The following CCDC12 variants were observed in gnomAD, a reference collection of about 807,000 sequenced individuals.
CCDC12 encodes the protein coiled-coil domain-containing protein 12.
Under a neutral mutation model 25.7 loss-of-function variants are expected in CCDC12, and 28 were observed. That is an observed-to-expected ratio of 1.09 (90% CI 0.81 to 1.50). CCDC12 has a LOEUF of 1.50. Among genes scored for constraint, CCDC12 ranks in the 40% most tolerant of loss-of-function variants. CCDC12 has a pLI of 0.00. For missense variants in CCDC12, 198 were observed against 210.0 expected (o/e 0.94, Z 0.35); for synonymous variants, 75 against 87.7 (o/e 0.86, Z 0.81).
chr3:46,977,853 G>C (rs2035048132), upstream of CCDC12, among the ~76,000 whole-genome samples: 1 of 152,236 alleles, frequency 6.6e-6, no homozygotes, highest in African/African-American at 2.4e-5. Flanking sequence ...GTCGCCACAA[G>C]ATTCATGGCT....
At chr3:46,953,672 G>C (rs1475019738) in intron 1 of CCDC12, among the ~76,000 whole-genome samples, 1 of 150,256 alleles carries the variant, frequency 6.7e-6, no homozygotes, top group African/African-American at 2.4e-5. Context: ...AAAAAGTCCA[G>C]CTTTGCTGGT....
At chr3:46,944,058 C>T (rs912249042) in intron 1 of CCDC12, among the ~76,000 whole-genome samples, 5 of 152,110 alleles carry the variant, frequency 3.3e-5, no homozygotes, top group South Asian at 4.1e-4. Context: ...TGGAGGGAAG[C>T]GCAGACCACT....
chr3:46,932,773 G>A (rs1575540684), intron 2 of CCDC12, among the ~76,000 whole-genome samples: 1 of 152,186 alleles, frequency 6.6e-6, no homozygotes, highest in East Asian at 1.9e-4. Flanking sequence ...GAAACCACAG[G>A]CCAGAAAGCA....
intron 2 of CCDC12, among the ~76,000 whole-genome samples, chr3:46,933,994 A>G (rs1272049784): frequency 6.6e-6 from 1 of 151,592 alleles, no homozygotes; most frequent in African/African-American, 2.4e-5. Context: ...ATCTCGGCTC[A>G]CTACAAGCTC....
At chr3:46,970,543 T>C (rs180772162) in intron 1 of CCDC12, among the ~76,000 whole-genome samples, 1 of 152,346 alleles carries the variant, frequency 6.6e-6, no homozygotes, top group East Asian at 1.9e-4. Context: ...ACTGCTGCTC[T>C]AATCTCTAGA....
At chr3:46,968,688 C>T (rs2034711573) in intron 1 of CCDC12, among the ~76,000 whole-genome samples, 2 of 152,196 alleles carry the variant, frequency 1.3e-5, no homozygotes, top group African/African-American at 2.4e-5. Flanking sequence ...TAGGCCTCCA[C>T]CTGGCAGCCT....
chr3:46,949,999 C>T (rs933860599), intron 1 of CCDC12, among the ~76,000 whole-genome samples: 1 of 147,604 alleles, frequency 6.8e-6, no homozygotes, highest in African/African-American at 2.5e-5. Flanking sequence ...ACACTCCAGC[C>T]TGGGTGACAG....
chr3:46,960,500 A>T (rs7628747), intron 1 of CCDC12, among the ~76,000 whole-genome samples: 74,686 of 152,086 alleles, frequency 0.49, 19,814 homozygotes, highest in Non-Finnish European at 0.58. Flanking sequence ...TGAAAGGACA[A>T]ATGTTTTCTG....
intron 1 of CCDC12, among the ~76,000 whole-genome samples, chr3:46,949,434 T>C (rs1056776917): frequency 6.6e-6 from 1 of 152,186 alleles, no homozygotes; most frequent in Non-Finnish European, 1.5e-5. Context: ...TTCCCCTTCC[T>C]TCATATGCAG....
chr3:46,971,810 G>C (rs765768294), intron 1 of CCDC12, among the ~76,000 whole-genome samples: 23 of 152,170 alleles, frequency 1.5e-4, no homozygotes, highest in Non-Finnish European at 2.8e-4. Context: ...GGGCAGACAG[G>C]TGCTCTCCAA....
At position 46,924,664 on chromosome 3, in the gene CCDC12, A is replaced by G. The variant is rs559250521; in HGVS notation, c.244+792T>C. 3.4e-4 allele frequency among the ~76,000 whole-genome samples: 52 copies of G among 152,272 alleles called. No homozygotes were observed. The South Asian group carries it at 0.01, about 30-fold the overall frequency. ...GGAGTTCAAGACCAGCCTGGCCGACATGGTGAAACCCTGTCTCTACTAAAA... is the reference window on the plus strand; with the variant it reads ...GGAGTTCAAGACCAGCCTGGCCGACGTGGTGAAACCCTGTCTCTACTAAAA... On this transcript the variant is annotated intron_variant, in intron 3 of 6. Coordinates refer to ENST00000683445, the MANE Select transcript of CCDC12 (RefSeq NM_001277074.2).
chr3:46,948,294 G>A (rs2033982926), intron 1 of CCDC12, among the ~76,000 whole-genome samples: 1 of 152,228 alleles, frequency 6.6e-6, no homozygotes, highest in African/African-American at 2.4e-5. Flanking sequence ...TCTCCTGTGG[G>A]TTCATGTGTT....
intron 3 of CCDC12, among the ~76,000 whole-genome samples, chr3:46,924,553 T>C (rs1350090579): frequency 2.0e-5 from 3 of 152,218 alleles, no homozygotes; most frequent in Admixed American, 2.0e-4. Context: ...TCAAAAAAAG[T>C]TGATAACAAG....
At position 46,921,766 on chromosome 3, in the gene CCDC12, A is replaced by AT. The variant is rs996381057; in HGVS notation, c.*290dup. 413 of 402,836 alleles carry AT rather than the reference A, an allele frequency of 1.0e-3. 1 individual carries two copies. Among genetic ancestry groups the AT allele is most frequent in the Admixed American group, 2.3e-3 (54 of 23,596 alleles). The allele number at this position is 402,836 out of a possible 1,614,324, so 25.0% of individuals were successfully genotyped here. A position where few individuals can be genotyped will look rare whatever the true frequency, so the allele number is the denominator to read the frequency against. ...GGGGTTTACTTGTTTCTATTTCCAG[A>AT]TTTTTTTTTAGAAAGTTCAAAATAT... On this transcript the variant is annotated 3_prime_UTR_variant, in exon 7 of 7. Coordinates refer to ENST00000683445, the MANE Select transcript of CCDC12 (RefSeq NM_001277074.2).
chr3:46,963,067 A>G (rs2034510147), intron 1 of CCDC12, among the ~76,000 whole-genome samples: 1 of 152,264 alleles, frequency 6.6e-6, no homozygotes, highest in Admixed American at 6.5e-5. Context: ...GAAAGAGGCC[A>G]GATACAGAAA....
At chr3:46,949,212 G>A (rs945811772) in intron 1 of CCDC12, among the ~76,000 whole-genome samples, 3 of 152,282 alleles carry the variant, frequency 2.0e-5, no homozygotes, top group Admixed American at 1.3e-4. Context: ...GCATTAAGAG[G>A]TGTCTACAGA....
chr3:46,964,036 G>A (rs535694073), intron 1 of CCDC12, among the ~76,000 whole-genome samples: 42 of 150,798 alleles, frequency 2.8e-4, no homozygotes, highest in African/African-American at 9.8e-4. Context: ...GCCACCCATC[G>A]TCTGAGATGT....
At chr3:46,942,874 G>C (rs1005894463) in intron 1 of CCDC12, among the ~76,000 whole-genome samples, 1 of 152,148 alleles carries the variant, frequency 6.6e-6, no homozygotes, top group Non-Finnish European at 1.5e-5. Flanking sequence ...CAGCATAGGG[G>C]GAGAGAAGTG....
chr3:46,965,126 C>A (rs2034601483), intron 1 of CCDC12, among the ~76,000 whole-genome samples: 1 of 152,126 alleles, frequency 6.6e-6, no homozygotes, highest in African/African-American at 2.4e-5. Flanking sequence ...TTCACACCCT[C>A]CTGGCTCCAG....
Sources: allele counts gnomAD v4.1 joint callset (sites outside exome capture counted in the v4.1 genomes callset), GRCh38; gene constraint gnomAD v4.1.1; transcripts MANE v1.5; gene names NCBI Gene and HGNC (gene_info 2026-07-23, HGNC 2026-07-21).